TECPR2: variants seen among roughly 807,000 people sequenced by gnomAD.
The protein encoded by TECPR2 is tectonin beta-propeller repeat containing 2.
A neutral mutation model predicts 138.1 loss-of-function variants in TECPR2; 65 were observed. The ratio of observed to expected loss-of-function variants is 0.47; its 90% CI spans 0.39 to 0.58. The LOEUF (loss-of-function observed/expected upper bound fraction) is 0.58. Among genes scored for constraint, TECPR2 ranks in the 20% least tolerant of loss-of-function variants. TECPR2 has a pLI of 0.00. For missense variants in TECPR2, 1,553 were observed against 1,824.5 expected (o/e 0.85, Z 2.71); for synonymous variants, 746 against 749.8 (o/e 0.99, Z 0.08).
intron 17 of TECPR2, among the ~76,000 whole-genome samples, chr14:102,467,923 G>T (rs1169807854): frequency 6.6e-6 from 1 of 151,176 alleles, no homozygotes; most frequent in African/African-American, 2.4e-5. Flanking sequence ...TGCAATCTCT[G>T]CCTCCTGGGT....
chr14:102,485,920 C>T (rs1891017725), intron 17 of TECPR2, among the ~76,000 whole-genome samples: 1 of 152,324 alleles, frequency 6.6e-6, no homozygotes, highest in African/African-American at 2.4e-5. Flanking sequence ...CTGGTGCTAG[C>T]CATGGCGCAG....
At chr14:102,438,810 A>AGAAC in intron 10 of TECPR2, among the ~76,000 whole-genome samples, 1 of 151,776 alleles carries the variant, frequency 6.6e-6, no homozygotes, top group Non-Finnish European at 1.5e-5. Flanking sequence ...CCTGAGCTGG[A>AGAAC]AGACCTCCCA....
intron 11 of TECPR2, among the ~76,000 whole-genome samples, chr14:102,442,104 G>T (rs780242395): frequency 6.6e-6 from 1 of 152,064 alleles, no homozygotes; most frequent in Non-Finnish European, 1.5e-5. Flanking sequence ...TCAGCCTCCC[G>T]AGTAGCTGGG....
intron 1 of TECPR2, among the ~76,000 whole-genome samples, chr14:102,372,192 C>G (rs1363792652): frequency 1.3e-5 from 2 of 152,126 alleles, no homozygotes; most frequent in Admixed American, 1.3e-4. Context: ...CTCAAGTGAT[C>G]TACCCACCTT....
At chr14:102,436,847 G>C (rs1195635426) in intron 9 of TECPR2, among the ~76,000 whole-genome samples, 9 of 152,230 alleles carry the variant, frequency 5.9e-5, no homozygotes. Context: ...AAAGTACAGG[G>C]CTGCAGGAAG....
chr14:102,448,639 G>A (rs1890053020), intron 13 of TECPR2, among the ~76,000 whole-genome samples: 1 of 152,106 alleles, frequency 6.6e-6, no homozygotes, highest in African/African-American at 2.4e-5. Context: ...GCCTGGGCGG[G>A]CGGATCACCT....
At chr14:102,454,327 G>A (rs553414116) in intron 16 of TECPR2, among the ~76,000 whole-genome samples, 17 of 152,282 alleles carry the variant, frequency 1.1e-4, no homozygotes, top group African/African-American at 3.9e-4. Flanking sequence ...AGCCCCGGGG[G>A]CTCCTACAGG....
At chr14:102,436,888 C>T (rs970922523) in intron 9 of TECPR2, 57 of 682,844 alleles carry the variant, frequency 8.3e-5, no homozygotes, top group Admixed American at 2.5e-4. Flanking sequence ...AATGTCTGGG[C>T]GTTAGCCAGG....
At chr14:102,384,400 C>T (rs541687083) in intron 2 of TECPR2, among the ~76,000 whole-genome samples, 3 of 150,112 alleles carry the variant, frequency 2.0e-5, no homozygotes, top group South Asian at 2.2e-4. Flanking sequence ...CATGGTAGGC[C>T]GGGCATGGTG....
At chr14:102,427,889 C>A (rs1176345526) in intron 6 of TECPR2, among the ~76,000 whole-genome samples, 1 of 152,172 alleles carries the variant, frequency 6.6e-6, no homozygotes, top group Non-Finnish European at 1.5e-5. Flanking sequence ...ACTTCCCCAG[C>A]AAACATGGAT....
At chr14:102,396,259 C>A (rs1039413712) in intron 2 of TECPR2, among the ~76,000 whole-genome samples, 8 of 152,118 alleles carry the variant, frequency 5.3e-5, no homozygotes, top group Admixed American at 3.9e-4. Context: ...CACACCACCA[C>A]GCCAGGCTAG....
intron 13 of TECPR2, among the ~76,000 whole-genome samples, chr14:102,446,475 G>A (rs374502617): frequency 9.9e-5 from 15 of 152,120 alleles, no homozygotes; most frequent in African/African-American, 3.4e-4. Flanking sequence ...GGCACACGCC[G>A]TTGGTCCCAA....
chr14:102,451,581 G>T (rs1890141121), intron 15 of TECPR2, among the ~76,000 whole-genome samples: 1 of 152,088 alleles, frequency 6.6e-6, no homozygotes, highest in Non-Finnish European at 1.5e-5. Context: ...CATCCATGTT[G>T]CAGGGATGTT....
rs116606384 is a variant in TECPR2, at chr14:102,419,577, C to A, written c.638+4784C>A. Reference sequence around the variant, plus strand: ...GACCAGAAACCGGGACAGAGACTCTCTTCCAGAGAAAGGGCAGGGCACTGA... The same window carrying A: ...GACCAGAAACCGGGACAGAGACTCTATTCCAGAGAAAGGGCAGGGCACTGA... On this transcript the variant is annotated intron_variant, in intron 5 of 19. Transcript: ENST00000359520. This position sits in a 1 kb window ranked among gnomAD's most constrained non-coding sequence, Gnocchi z 4.8. 6.6e-6 allele frequency among the ~76,000 whole-genome samples: 1 copy of A among 152,062 alleles called. No homozygotes were observed. Among genetic ancestry groups the A allele is most frequent in the Admixed American group, 6.6e-5 (1 of 15,260 alleles).
At chr14:102,369,449 C>G (rs1374824768) in intron 1 of TECPR2, among the ~76,000 whole-genome samples, 2 of 152,104 alleles carry the variant, frequency 1.3e-5, no homozygotes, top group Non-Finnish European at 2.9e-5. Flanking sequence ...AGTGCAGTGG[C>G]TTGATCATGG....
chr14:102,446,260 G>A (rs931745405), intron 13 of TECPR2, among the ~76,000 whole-genome samples: 1 of 151,890 alleles, frequency 6.6e-6, no homozygotes, highest in African/African-American at 2.4e-5. Flanking sequence ...GTAGAGACAG[G>A]GTTTTGGCAT....
chr14:102,439,725 C>T (rs941896041), intron 10 of TECPR2, among the ~76,000 whole-genome samples: 1 of 152,204 alleles, frequency 6.6e-6, no homozygotes, highest in South Asian at 2.1e-4. Flanking sequence ...GCCCTTGTGC[C>T]GGGGGCACCA....
At chr14:102,467,368 A>G (rs1268999329) in intron 17 of TECPR2, among the ~76,000 whole-genome samples, 2 of 120,226 alleles carry the variant, frequency 1.7e-5, no homozygotes, top group African/African-American at 6.8e-5. Flanking sequence ...CTTATTGCCT[A>G]GTCTGGAGTG....
chr14:102,377,980 G>T (rs1887686763), intron 2 of TECPR2, among the ~76,000 whole-genome samples: 1 of 152,214 alleles, frequency 6.6e-6, no homozygotes, highest in Non-Finnish European at 1.5e-5. Flanking sequence ...CAGTGCTGTG[G>T]ACTCAGGCAT....
Sources: gnomAD v4.1 joint callset for allele counts (sites outside exome capture counted in the v4.1 genomes callset) on GRCh38, gnomAD v4.1.1 for gene constraint, Gnocchi (gnomAD v3.1) non-coding constraint, MANE v1.5 for transcripts, NCBI Gene and HGNC (gene_info 2026-07-23, HGNC 2026-07-21) for gene names.